The following AGBL1 variants were observed in gnomAD, a reference collection of about 807,000 sequenced individuals.
The protein encoded by AGBL1 is cytosolic carboxypeptidase 4.
A neutral mutation model predicts 118.9 loss-of-function variants in AGBL1; 130 were observed. That is an observed-to-expected ratio of 1.09 (90% CI 0.95 to 1.26). The LOEUF (loss-of-function observed/expected upper bound fraction) is 1.26. Among genes scored for constraint, AGBL1 ranks in the 50% most tolerant of loss-of-function variants. The pLI, the probability that AGBL1 is intolerant of heterozygous loss-of-function variation, is 0.00. For missense variants in AGBL1, 1,584 were observed against 1,298.1 expected (o/e 1.22, Z -3.38); for synonymous variants, 555 against 478.9 (o/e 1.16, Z -2.08).
intron 22 of AGBL1, among the ~76,000 whole-genome samples, chr15:86,675,529 C>A (rs559892847): frequency 3.3e-5 from 5 of 152,238 alleles, no homozygotes; most frequent in African/African-American, 1.2e-4. Flanking sequence ...AAGTGCAGGG[C>A]TCTTTCCATA....
At chr15:86,828,017 G>GAT in intron 22 of AGBL1, among the ~76,000 whole-genome samples, 1 of 137,100 alleles carries the variant, frequency 7.3e-6, no homozygotes, top group East Asian at 2.2e-4. Flanking sequence ...CATAGTCACT[G>GAT]CAACCTTAAA....
chr15:86,475,545 A>T (rs2082545529), intron 18 of AGBL1, among the ~76,000 whole-genome samples: 1 of 152,214 alleles, frequency 6.6e-6, no homozygotes, highest in Non-Finnish European at 1.5e-5. Context: ...AAAGAAATGC[A>T]AAAAGCCTCC....
At chr15:86,705,685 T>A (rs114644086) in intron 22 of AGBL1, among the ~76,000 whole-genome samples, 136 of 152,312 alleles carry the variant, frequency 8.9e-4, no homozygotes, top group African/African-American at 3.2e-3. Context: ...ATACTCTTAA[T>A]GTACCATTGG....
At chr15:86,256,700 G>T (rs1365553265) in intron 7 of AGBL1, among the ~76,000 whole-genome samples, 153 bp from the exon 8 acceptor site, 1 of 152,318 alleles carries the variant, frequency 6.6e-6, no homozygotes, top group East Asian at 1.9e-4. Context: ...CTACATTAAG[G>T]CTGTTTACGG....
intron 23 of AGBL1, among the ~76,000 whole-genome samples, chr15:86,980,903 T>TC (rs1259118611): frequency 6.7e-6 from 1 of 149,702 alleles, no homozygotes; most frequent in Non-Finnish European, 1.5e-5. Context: ...TTTTTTTTTT[T>TC]TGAGACAGAG....
chr15:86,085,416 C>A (rs1895577312), intron 1 of AGBL1, among the ~76,000 whole-genome samples: 2 of 152,262 alleles, frequency 1.3e-5, no homozygotes, highest in Admixed American at 1.3e-4. Context: ...TCTTGAGTGG[C>A]AAGCTTCAGG....
Position 86,864,232 on chromosome 15 carries a change from G to C in AGBL1, c.3159-42855G>C, listed in dbSNP as rs144183222. Among the ~76,000 whole-genome samples, 20 of 152,184 alleles carry C rather than the reference G, an allele frequency of 1.3e-4. No individual in the cohort carries two copies. The East Asian group carries it at 3.9e-3, about 29-fold the overall frequency. ...ATAATCCAAGCCCAGAGGGACACCAGAGCCTATGGCTGTGAGTTGTAGAAA... is the reference window on the plus strand; with the variant it reads ...ATAATCCAAGCCCAGAGGGACACCACAGCCTATGGCTGTGAGTTGTAGAAA... On this transcript the variant is annotated intron_variant, in intron 22 of 22. Transcript: ENST00000614907.
chr15:86,569,314 C>G (rs944130522), intron 21 of AGBL1, among the ~76,000 whole-genome samples: 1 of 151,800 alleles, frequency 6.6e-6, no homozygotes, highest in Admixed American at 6.6e-5. Flanking sequence ...GCTTGTGGTT[C>G]CAGCTACTTG....
At chr15:86,786,473 T>C (rs2078414653) in intron 22 of AGBL1, among the ~76,000 whole-genome samples, 1 of 152,206 alleles carries the variant, frequency 6.6e-6, no homozygotes, top group Non-Finnish European at 1.5e-5. Flanking sequence ...CATATTTATG[T>C]ATTAAATACA....
chr15:86,502,597 G>T (rs1455462089), intron 18 of AGBL1, among the ~76,000 whole-genome samples: 1 of 145,608 alleles, frequency 6.9e-6, no homozygotes, highest in African/African-American at 2.5e-5. Flanking sequence ...TCCCTTCTTA[G>T]TTTTTTTTTT....
intron 5 of AGBL1, among the ~76,000 whole-genome samples, chr15:86,218,054 A>C (rs577890749): frequency 4.1e-4 from 63 of 152,336 alleles, no homozygotes; most frequent in Non-Finnish European, 7.1e-4. Context: ...CTTTTTGCTT[A>C]ATTATATTTT....
intron 22 of AGBL1, among the ~76,000 whole-genome samples, chr15:86,756,645 G>T (rs949927116): frequency 4.6e-5 from 7 of 152,110 alleles, no homozygotes; most frequent in Non-Finnish European, 8.8e-5. Flanking sequence ...GGTCTGGGGT[G>T]GAGCGTCTAT....
At chr15:86,356,706 T>C (rs1306957281) in intron 17 of AGBL1, among the ~76,000 whole-genome samples, 3 of 152,156 alleles carry the variant, frequency 2.0e-5, no homozygotes, top group Non-Finnish European at 2.9e-5. Flanking sequence ...GACAAGTTTT[T>C]TGAGTTAGAG....
At position 86,283,087 on chromosome 15, in the gene AGBL1, G is replaced by T. The variant is rs565905632; in HGVS notation, c.2220+3304G>T. On this transcript the variant is annotated intron_variant, in intron 16 of 22. Coordinates refer to ENST00000614907, the MANE Select transcript of AGBL1 (RefSeq NM_001386094.1). ...AGCATTCAAATATAGCTAAAAGAAA[G>T]AAATATACTATTGTAATTCTGAAGC... Among the ~76,000 whole-genome samples the T allele has an allele frequency of 5.8e-4, 89 of 152,206 alleles. 3 individuals are homozygous for T. The South Asian group carries it at 0.012, about 21-fold the overall frequency.
At chr15:86,391,166 CA>C (rs892730243) in intron 17 of AGBL1, among the ~76,000 whole-genome samples, 1 of 151,894 alleles carries the variant, frequency 6.6e-6, no homozygotes, top group African/African-American at 2.4e-5. Flanking sequence ...ATACATGTGT[CA>C]AAATTTATTG....
intron 23 of AGBL1, among the ~76,000 whole-genome samples, chr15:86,964,941 T>A (rs943679720): frequency 3.9e-5 from 6 of 152,144 alleles, no homozygotes; most frequent in African/African-American, 1.2e-4. Context: ...TTCATCCATG[T>A]CCCTGCAAAG....
At chr15:86,605,084 C>T (rs1295144253) in intron 21 of AGBL1, among the ~76,000 whole-genome samples, 11 of 152,084 alleles carry the variant, frequency 7.2e-5, no homozygotes, top group South Asian at 2.1e-4. Context: ...CGTGAGCCAC[C>T]GCGCTCAGCT....
At chr15:86,112,030 C>T (rs775213852) in intron 1 of AGBL1, among the ~76,000 whole-genome samples, 17 of 152,170 alleles carry the variant, frequency 1.1e-4, no homozygotes, top group African/African-American at 1.9e-4. Flanking sequence ...TGTTCCCCAA[C>T]GACCCCAGAT....
At chr15:86,124,889 C>G (rs936345592) in intron 1 of AGBL1, among the ~76,000 whole-genome samples, 1 of 152,172 alleles carries the variant, frequency 6.6e-6, no homozygotes, top group Non-Finnish European at 1.5e-5. Context: ...TATAATTACT[C>G]TCAGTAAATG....
Sources: gnomAD v4.1 joint callset for allele counts (sites outside exome capture counted in the v4.1 genomes callset) on GRCh38, gnomAD v4.1.1 for gene constraint, MANE v1.5 for transcripts, NCBI Gene and HGNC (gene_info 2026-07-23, HGNC 2026-07-21) for gene names.